The following TENM2 variants were observed in gnomAD, a reference collection of about 807,000 sequenced individuals.
TENM2 encodes teneurin transmembrane protein 2.
TENM2 carries 52 observed loss-of-function variants against 245.2 expected under a neutral mutation model. That is an observed-to-expected ratio of 0.21 (90% CI 0.17 to 0.27). The LOEUF (loss-of-function observed/expected upper bound fraction) is 0.27, where lower values mean the gene tolerates loss of function less well. Ranked by LOEUF, TENM2 falls within the 10% of genes least tolerant of loss-of-function variation. TENM2 has a pLI of 1.00. For synonymous variants in TENM2, 1,363 were observed against 1,438.9 expected, an observed-to-expected ratio of 0.95 and a Z score of 1.19; for missense variants, 3,046 against 3,666.8, an observed-to-expected ratio of 0.83 and a Z score of 4.37.
At chr5:167,590,175 G>A (rs1427092779) in intron 2 of TENM2, among the ~76,000 whole-genome samples, 1 of 151,718 alleles carries the variant, frequency 6.6e-6, no homozygotes, top group Non-Finnish European at 1.5e-5. Flanking sequence ...TGTATTCATA[G>A]CCAATATTTT....
intron 2 of TENM2, among the ~76,000 whole-genome samples, chr5:167,841,168 T>C (rs1770050007): frequency 6.6e-6 from 1 of 152,008 alleles, no homozygotes; most frequent in African/African-American, 2.4e-5. Context: ...GTGATTCTCC[T>C]GCCTCAATCT....
At chr5:167,395,928 G>T (rs1251191181) in intron 2 of TENM2, among the ~76,000 whole-genome samples, 1 of 152,072 alleles carries the variant, frequency 6.6e-6, no homozygotes, top group East Asian at 1.9e-4. Context: ...CCCCTGTTAG[G>T]ATGGCCATTA....
chr5:167,346,924 G>A (rs968128079), intron 1 of TENM2, among the ~76,000 whole-genome samples: 7 of 151,932 alleles, frequency 4.6e-5, no homozygotes, highest in African/African-American at 1.5e-4. Context: ...ACAGGTGTAC[G>A]CCTCCACACC....
Position 168,254,463 on chromosome 5 carries a change from GGAGGAAGAGGAAGAAGGGGAGGAA to G in TENM2, c.7433-5787_7433-5764del, listed in dbSNP as rs1214548388. 6.7e-4 allele frequency among the ~76,000 whole-genome samples: 99 copies of G among 148,084 alleles called. 1 individual carries two copies. The Middle Eastern group carries it at 0.01, about 15-fold the overall frequency. On this transcript the variant is annotated intron_variant, in intron 27 of 28. Coordinates refer to ENST00000518659, the Ensembl canonical transcript of TENM2. ...GGGAGGGAGAGGAAGAGGAAGAAGGGGAGGAAGAGGAAGAAGGGGAGGAAGAGGAAGAGGAAGAAGGGGAGGAAG... is the reference window on the plus strand; with the variant it reads ...GGGAGGGAGAGGAAGAGGAAGAAGGGGAGGAAGAGGAAGAAGGGGAGGAAG...
chr5:167,827,880 G>T (rs1288385344), intron 2 of TENM2, among the ~76,000 whole-genome samples: 2 of 152,052 alleles, frequency 1.3e-5, no homozygotes, highest in Non-Finnish European at 2.9e-5. Context: ...CTCTTCCCCT[G>T]CTGTGCCCTG....
the TENM2 span, among the ~76,000 whole-genome samples, chr5:167,210,834 A>G: frequency 1.3e-5 from 2 of 152,220 alleles, no homozygotes; most frequent in African/African-American, 2.4e-5. Context: ...TCACACTTCA[A>G]TTCTGCAGCA....
chr5:167,491,007 A>G (rs1768396931), intron 2 of TENM2, among the ~76,000 whole-genome samples: 1 of 152,172 alleles, frequency 6.6e-6, no homozygotes, highest in African/African-American at 2.4e-5. Context: ...CGCATGGGTC[A>G]TGTATTTGTC....
At chr5:167,173,534 G>A in the TENM2 span, among the ~76,000 whole-genome samples, 1 of 152,164 alleles carries the variant, frequency 6.6e-6, no homozygotes, top group African/African-American at 2.4e-5. Flanking sequence ...TGGGCTGGAG[G>A]AAGCAAAGAT....
In TENM2 at chr5:167,900,136, G is replaced by T. The variant is rs376436697; in HGVS notation, c.712+23941G>T. ...TAAAAAAAAAAAAAAAAAAAAAAGG[G>T]GGGGGGGGTTTTGGAAAGGAAAGGA... On this transcript the variant is annotated intron_variant, in intron 3 of 28. Transcript: ENST00000518659. 1.4e-3 allele frequency among the ~76,000 whole-genome samples: 106 copies of T among 74,038 alleles called. 1 individual carries two copies. The highest frequency in any genetic ancestry group is 6.0e-3 in the Middle Eastern group (1 of 166). The allele number at this position is 74,038 out of a possible 152,430, so 48.6% of individuals were successfully genotyped here.
intron 12 of TENM2, among the ~76,000 whole-genome samples, chr5:168,146,928 AC>A (rs550693875): frequency 6.6e-6 from 1 of 151,670 alleles, no homozygotes; most frequent in Non-Finnish European, 1.5e-5. Flanking sequence ...GCATCAGGGG[AC>A]CCCCCCTTCA....
chr5:167,816,904 C>A (rs1020645845), intron 2 of TENM2, among the ~76,000 whole-genome samples: 1 of 151,936 alleles, frequency 6.6e-6, no homozygotes, highest in Non-Finnish European at 1.5e-5. Flanking sequence ...GAAGTACATA[C>A]TAAATAAGGG....
chr5:167,087,806 T>A, the TENM2 span, among the ~76,000 whole-genome samples: 3 of 152,004 alleles, frequency 2.0e-5, no homozygotes, highest in African/African-American at 7.3e-5. Context: ...TTTTTTTTTT[T>A]TAAAACAGAG....
At chr5:167,425,662 C>T (rs1027495591) in intron 2 of TENM2, among the ~76,000 whole-genome samples, 1 of 152,086 alleles carries the variant, frequency 6.6e-6, no homozygotes, top group Non-Finnish European at 1.5e-5. Context: ...GTCCTTAATT[C>T]CACAGCTTAA....
At chr5:167,684,116 T>A (rs150148669) in intron 2 of TENM2, among the ~76,000 whole-genome samples, 1 of 152,282 alleles carries the variant, frequency 6.6e-6, no homozygotes, top group Non-Finnish European at 1.5e-5. Context: ...ACACTAAAAT[T>A]TATTTTGACG....
chr5:166,984,384 T>G, the TENM2 span, among the ~76,000 whole-genome samples: 2 of 152,134 alleles, frequency 1.3e-5, no homozygotes, highest in Admixed American at 1.3e-4. Context: ...GGAAAAACTT[T>G]ACATTTAAAT....
intron 2 of TENM2, among the ~76,000 whole-genome samples, chr5:167,786,438 T>G (rs1764584039): frequency 6.6e-6 from 1 of 152,266 alleles, no homozygotes; most frequent in South Asian, 2.1e-4. Context: ...AGTTCCAGTA[T>G]GCCTAGACTT....
intron 7 of TENM2, among the ~76,000 whole-genome samples, chr5:168,072,047 C>T (rs1299098077): frequency 1.3e-5 from 2 of 152,214 alleles, no homozygotes; most frequent in Non-Finnish European, 2.9e-5. Flanking sequence ...GACACACCCC[C>T]AGTTTGCTCC....
chr5:167,249,728 C>T, the TENM2 span, among the ~76,000 whole-genome samples: 1 of 151,946 alleles, frequency 6.6e-6, no homozygotes, highest in Non-Finnish European at 1.5e-5. Context: ...AGCAAGCCGT[C>T]CTATCAAGGA....
chr5:167,086,667 A>G, the TENM2 span, among the ~76,000 whole-genome samples: 1 of 152,156 alleles, frequency 6.6e-6, no homozygotes, highest in Non-Finnish European at 1.5e-5. Context: ...TTAGGCATAC[A>G]GAAGACAATC....
Sources: gnomAD v4.1 joint callset for allele counts (sites outside exome capture counted in the v4.1 genomes callset) on GRCh38, gnomAD v4.1.1 for gene constraint, MANE v1.5 for transcripts, NCBI Gene and HGNC (gene_info 2026-07-23, HGNC 2026-07-21) for gene names.